The following LMO3 variants were observed in gnomAD, a reference collection of about 807,000 sequenced individuals.
LMO3 encodes LIM domain only 3, also known as LIM domain only protein 3.
LMO3 carries 2 observed loss-of-function variants against 15.8 expected under a neutral mutation model. That is an observed-to-expected ratio of 0.13 (90% CI 0.05 to 0.40). The LOEUF is 0.40. Among genes scored for constraint, LMO3 ranks in the 10% least tolerant of loss-of-function variants. LMO3 has a pLI of 0.99. For missense variants in LMO3, 86 were observed against 182.2 expected (o/e 0.47, Z 3.04); for synonymous variants, 62 against 63.8 (o/e 0.97, Z 0.13).
intron 2 of LMO3, among the ~76,000 whole-genome samples, chr12:16,568,064 G>A (rs1942679085): frequency 6.6e-6 from 1 of 152,110 alleles, no homozygotes; most frequent in African/African-American, 2.4e-5. Context: ...GTACTACACT[G>A]GCAACAATAG....
rs182306600 is a variant in LMO3 at position 16,576,029 on chromosome 12, G to C, written c.207-15491C>G. Among the ~76,000 whole-genome samples the C allele has an allele frequency of 3.3e-3, 498 of 152,246 alleles. 2 individuals carry two copies. Among genetic ancestry groups the C allele is most frequent in the African/African-American group, 0.011 (473 of 41,538 alleles). On this transcript the variant is annotated intron_variant, in intron 2 of 3. Coordinates refer to ENST00000537304, the MANE Select transcript of LMO3 (RefSeq NM_018640.5). This position sits in a 1 kb window ranked among gnomAD's most constrained non-coding sequence, Gnocchi z 4.1. The stretch of plus-strand genomic sequence containing the variant: ...GACCCCCAAATCTAGCCCTGCCGCT[G>C]TGTTAAAAGGGGATCTGTCCTCTTT...
chr12:16,600,582 A>C lies in LMO3; in HGVS notation c.206+73T>G, dbSNP rs1415315105. The C allele has an allele frequency of 8.2e-6, 11 of 1,340,848 alleles. No individual in the cohort carries two copies. The East Asian group carries it at 1.4e-4, about 17-fold the overall frequency. 83.1% of individuals were successfully genotyped at this position (1,340,848 alleles called of 1,614,324 possible). ...CTGGCAGTAAGGAAATGAAACAAGC[A>C]AACAAAAAATACACTTACAAAAGTA... On this transcript the variant is annotated intron_variant, in intron 2 of 3. Coordinates refer to ENST00000537304, the MANE Select transcript of LMO3 (RefSeq NM_018640.5).
rs1197409484 is a variant in LMO3, at chr12:16,576,610, CATA to C, written c.207-16075_207-16073del. ...GTACCTGTTTGTCTCTTTCTCACTA[CATA>C]ATAAGCTCCCTGAAAACTTGCCTTC... On this transcript the variant is annotated intron_variant, in intron 2 of 3. Transcript: ENST00000537304. The surrounding 1 kb of genome is among the most constrained non-coding windows in gnomAD (Gnocchi z 4.1). Among the ~76,000 whole-genome samples, 1 of 152,176 alleles carries C rather than the reference CATA, an allele frequency of 6.6e-6. No homozygotes were observed. The highest frequency in any genetic ancestry group is 2.4e-5 in the African/African-American group (1 of 41,452).
intron 2 of LMO3, among the ~76,000 whole-genome samples, chr12:16,581,802 T>C (rs1387569574): frequency 6.6e-6 from 1 of 152,104 alleles, no homozygotes; most frequent in African/African-American, 2.4e-5. Context: ...ATTTTAATAA[T>C]TGTATTACTA....
chr12:16,551,748 G>GTA (rs1941998475), intron 3 of LMO3, among the ~76,000 whole-genome samples: 1 of 151,908 alleles, frequency 6.6e-6, no homozygotes, highest in African/African-American at 2.4e-5. Context: ...TAATAAAAAA[G>GTA]TAAAAGGCAT....
chr12:16,588,276 C>T (rs923099157), intron 2 of LMO3, among the ~76,000 whole-genome samples: 9 of 151,748 alleles, frequency 5.9e-5, no homozygotes, highest in African/African-American at 2.2e-4. Flanking sequence ...AAGGTGTGCA[C>T]TCAAATTTCT....
In LMO3 at chr12:16,576,616, A is replaced by G. The variant is rs1943004067; in HGVS notation, c.207-16078T>C. 6.6e-6 allele frequency among the ~76,000 whole-genome samples: 1 copy of G among 152,072 alleles called. No individual in the cohort carries two copies. Among genetic ancestry groups the G allele is most frequent in the Non-Finnish European group, 1.5e-5 (1 of 67,998 alleles). On this transcript the variant is annotated intron_variant, in intron 2 of 3. Transcript: ENST00000537304. The surrounding 1 kb of genome is among the most constrained non-coding windows in gnomAD (Gnocchi z 4.1). ...GTTTGTCTCTTTCTCACTACATAAT[A>G]AGCTCCCTGAAAACTTGCCTTCTCC... is the stretch of plus-strand genomic sequence containing the variant.
At position 16,604,288 on chromosome 12, in the gene LMO3, T is replaced by G. The variant is rs910588686; in HGVS notation, c.-9+1778A>C. On this transcript the variant is annotated intron_variant, in intron 1 of 3. Coordinates refer to ENST00000537304, the MANE Select transcript of LMO3 (RefSeq NM_018640.5). The surrounding 1 kb of genome is among the most constrained non-coding windows in gnomAD (Gnocchi z 5.3). ...AACAATGCAAATAGATGTCCCCAGA[T>G]CTCAGGCACTGGAGCTGCTTAACTC... 6.6e-6 allele frequency among the ~76,000 whole-genome samples: 1 copy of G among 152,018 alleles called. No individual in the cohort carries two copies. The highest frequency in any genetic ancestry group is 1.5e-5 in the Non-Finnish European group (1 of 68,008).
At chr12:16,565,421 C>A (rs1024806133) in intron 2 of LMO3, among the ~76,000 whole-genome samples, 14 of 152,114 alleles carry the variant, frequency 9.2e-5, no homozygotes, top group African/African-American at 3.1e-4. Context: ...ACATTCAATT[C>A]TTTTGTTTTC....
intron 2 of LMO3, chr12:16,594,030 A>T (rs1943572996): frequency 1.0e-6 from 1 of 996,598 alleles, no homozygotes; most frequent in African/African-American, 1.6e-5. Context: ...GTTGTCCTAC[A>T]TGTTAGACTG....
chr12:16,600,365 A>T, intron 2 of LMO3: 1 of 291,242 alleles, frequency 3.4e-6, no homozygotes, highest in Non-Finnish European at 6.4e-6. Context: ...ATTTCGACCA[A>T]ATACATCCTT....
intron 2 of LMO3, among the ~76,000 whole-genome samples, chr12:16,562,153 A>G (rs1942430256): frequency 6.6e-6 from 1 of 152,114 alleles, no homozygotes; most frequent in Non-Finnish European, 1.5e-5. Context: ...ACCATCACCA[A>G]CTAAAGCTTT....
chr12:16,583,134 A>C (rs144743083), intron 2 of LMO3, among the ~76,000 whole-genome samples: 1 of 152,188 alleles, frequency 6.6e-6, no homozygotes, highest in Non-Finnish European at 1.5e-5. Flanking sequence ...GATCAACACT[A>C]TTAAAAGAGA....
upstream of LMO3, chr12:16,608,148 G>T (rs892433248): frequency 1.3e-5 from 2 of 150,942 alleles, no homozygotes; most frequent in African/African-American, 4.9e-5. This position sits in a 1 kb window ranked among gnomAD's most constrained non-coding sequence, Gnocchi z 4.1. Context: ...GTGTGTGTGT[G>T]TGCATATGTG....
chr12:16,563,960 T>A (rs1218391368), intron 2 of LMO3, among the ~76,000 whole-genome samples: 1 of 152,206 alleles, frequency 6.6e-6, no homozygotes, highest in African/African-American at 2.4e-5. Flanking sequence ...ATGTTCATAG[T>A]AGGCCTTAAG....
intron 2 of LMO3, among the ~76,000 whole-genome samples, chr12:16,575,486 G>A (rs1195348878): frequency 1.3e-5 from 2 of 152,118 alleles, no homozygotes; most frequent in Non-Finnish European, 2.9e-5. Context: ...TAGTGTATAA[G>A]AGCTAATGTT....
rs1034723184 is a variant in LMO3, at chr12:16,550,555, G to A, written c.*667C>T. The A allele has an allele frequency of 6.6e-6, 1 of 152,332 alleles. No individual in the cohort carries two copies. The highest frequency in any genetic ancestry group is 2.4e-5 in the African/African-American group (1 of 41,410). The allele number at this position is 152,332 out of a possible 1,614,324, so 9.4% of individuals were successfully genotyped here. On this transcript the variant is annotated 3_prime_UTR_variant, in exon 4 of 4. Transcript: ENST00000537304. ...AAGTGCTTTAAGATGAAATTTTTATGTATTTTTTTAAAGCTGATTTTTAAC... is the reference window on the plus strand; with the variant it reads ...AAGTGCTTTAAGATGAAATTTTTATATATTTTTTTAAAGCTGATTTTTAAC...
At chr12:16,579,858 C>T (rs1353479605) in intron 2 of LMO3, among the ~76,000 whole-genome samples, 1 of 152,158 alleles carries the variant, frequency 6.6e-6, no homozygotes, top group Non-Finnish European at 1.5e-5. Flanking sequence ...TCAACCTGTA[C>T]TGATTTAGAT....
Position 16,561,644 on chromosome 12 carries a change from C to T in LMO3, c.207-1106G>A, listed in dbSNP as rs565696961. 2.6e-5 allele frequency among the ~76,000 whole-genome samples: 4 copies of T among 152,302 alleles called. No individual in the cohort carries two copies. The East Asian group carries it at 7.7e-4, about 29-fold the overall frequency. ...ATTAGGCACAAATGTGCTGAAGTCTCTCATTACTTTCTGTAGACTCCAAAG... is the reference window on the plus strand; with the variant it reads ...ATTAGGCACAAATGTGCTGAAGTCTTTCATTACTTTCTGTAGACTCCAAAG... On this transcript the variant is annotated intron_variant, in intron 2 of 3. Coordinates refer to ENST00000537304, the MANE Select transcript of LMO3 (RefSeq NM_018640.5).
Sources: allele counts gnomAD v4.1 joint callset (sites outside exome capture counted in the v4.1 genomes callset), GRCh38; gene constraint gnomAD v4.1.1; non-coding constraint Gnocchi (gnomAD v3.1); transcripts MANE v1.5; gene names NCBI Gene and HGNC (gene_info 2026-07-23, HGNC 2026-07-21).